CTNND2: variants seen among roughly 807,000 people sequenced by gnomAD.
The protein encoded by CTNND2 is catenin delta 2.
In CTNND2, 22 loss-of-function variants were observed where a neutral mutation model predicts 144.4. That is an observed-to-expected ratio of 0.15 (90% confidence interval 0.11 to 0.22). The LOEUF is 0.22. Among genes scored for constraint, CTNND2 ranks in the 10% least tolerant of loss-of-function variants. The pLI, the probability that CTNND2 is intolerant of heterozygous loss-of-function variation, is 1.00. For synonymous variants in CTNND2, 751 were observed against 695.6 expected (o/e 1.08, Z -1.25); for missense variants, 1,353 against 1,618.8 (o/e 0.84, Z 2.82).
chr5:11,494,294 T>C (rs1254717311), intron 3 of CTNND2, among the ~76,000 whole-genome samples: 1 of 152,186 alleles, frequency 6.6e-6, no homozygotes, highest in Non-Finnish European at 1.5e-5. Flanking sequence ...ATGGACCTTT[T>C]GGTCTCACAT....
intron 15 of CTNND2, 37 bp from the exon 16 acceptor site, chr5:11,082,883 G>A: frequency 6.2e-7 from 1 of 1,605,428 alleles, no homozygotes. Flanking sequence ...GTTAGAAACA[G>A]GAAGAAACCC....
At chr5:11,238,051 T>C (rs1741829224) in intron 9 of CTNND2, among the ~76,000 whole-genome samples, 2 of 152,232 alleles carry the variant, frequency 1.3e-5, no homozygotes, top group African/African-American at 4.8e-5. Flanking sequence ...CTGGTTGTCA[T>C]CTTAAGCAAT....
chr5:11,533,773 C>T (rs150963005), intron 3 of CTNND2, among the ~76,000 whole-genome samples: 2 of 152,292 alleles, frequency 1.3e-5, no homozygotes, highest in Non-Finnish European at 2.9e-5. Flanking sequence ...CTGGCCAACA[C>T]GAAGATTCTG....
chr5:11,567,782 T>C (rs1295672640), intron 2 of CTNND2, among the ~76,000 whole-genome samples: 3 of 152,142 alleles, frequency 2.0e-5, no homozygotes, highest in African/African-American at 7.2e-5. Flanking sequence ...CTAACATCTG[T>C]GCTAGTTTCA....
rs576719239 is a variant in CTNND2, at chr5:11,060,968, T to A, written c.2788+21728A>T. 3.3e-5 allele frequency among the ~76,000 whole-genome samples: 5 copies of A among 152,242 alleles called. No individual in the cohort carries two copies. The South Asian group carries it at 1.0e-3, about 32-fold the overall frequency. On this transcript the variant is annotated intron_variant, in intron 16 of 21. Coordinates refer to ENST00000304623, the MANE Select transcript of CTNND2 (RefSeq NM_001332.4). ...GACCATGACTTTAACTATCTTTTTT[T>A]TTCTTTTTCACACTGATGACACACA...
intron 3 of CTNND2, among the ~76,000 whole-genome samples, chr5:11,478,673 C>A (rs148707528): frequency 3.9e-5 from 6 of 152,290 alleles, no homozygotes; most frequent in African/African-American, 1.4e-4. Flanking sequence ...TATCAGTGAC[C>A]TATAATAATT....
chr5:11,806,838 G>A (rs183147803), intron 1 of CTNND2, among the ~76,000 whole-genome samples: 11 of 152,114 alleles, frequency 7.2e-5, no homozygotes, highest in Admixed American at 7.2e-4. Flanking sequence ...AAAAAAAGAT[G>A]AGCAGTACTT....
chr5:11,447,597 G>A (rs1357676518), intron 3 of CTNND2, among the ~76,000 whole-genome samples: 1 of 152,162 alleles, frequency 6.6e-6, no homozygotes, highest in Non-Finnish European at 1.5e-5. Flanking sequence ...TGGCCCTGGA[G>A]GCCACCTGCT....
intron 16 of CTNND2, among the ~76,000 whole-genome samples, chr5:11,054,745 G>A (rs1746182066): frequency 1.3e-5 from 2 of 151,984 alleles, no homozygotes; most frequent in South Asian, 4.2e-4. Flanking sequence ...AATGACTCCA[G>A]GACTCTTTGG....
At chr5:11,726,348 A>ACC (rs1319154515) in intron 2 of CTNND2, among the ~76,000 whole-genome samples, 13 of 152,336 alleles carry the variant, frequency 8.5e-5, no homozygotes, top group African/African-American at 3.1e-4. Context: ...TTAAATGTAC[A>ACC]AAGAAGAATA....
chr5:11,623,800 GTGTGTATGTATA>G (rs1473198257), intron 2 of CTNND2, among the ~76,000 whole-genome samples: 1,902 of 84,970 alleles, frequency 0.022, 16 homozygotes, highest in Middle Eastern at 0.049. Context: ...ATATATATAT[GTGTGTATGTATA>G]TATATATATA....
intron 9 of CTNND2, among the ~76,000 whole-genome samples, chr5:11,316,467 T>TATTATTAA (rs1561206791): frequency 2.6e-5 from 1 of 39,058 alleles, no homozygotes; most frequent in Non-Finnish European, 5.8e-5. Flanking sequence ...ATCCACTATT[T>TATTATTAA]TTTATTATTA....
chr5:11,485,029 A>G (rs1391726205), intron 3 of CTNND2, among the ~76,000 whole-genome samples: 2 of 152,104 alleles, frequency 1.3e-5, no homozygotes, highest in Non-Finnish European at 2.9e-5. Flanking sequence ...TTAAGAACAA[A>G]TTTTCAAAAA....
Position 11,591,525 on chromosome 5 carries a change from T to C in CTNND2, c.175-26469A>G, listed in dbSNP as rs530007932. On this transcript the variant is annotated intron_variant, in intron 2 of 21. Coordinates refer to ENST00000304623, the MANE Select transcript of CTNND2 (RefSeq NM_001332.4). ...ATTTGTCTGCTTGATGCTTCTAACA[T>C]GGTTTCATTTCAGCAATAGCTATTT... Among the ~76,000 whole-genome samples, 11 of 149,202 alleles carry C rather than the reference T, an allele frequency of 7.4e-5. No individual in the cohort carries two copies. In the South Asian group the frequency reaches 2.0e-3, roughly 27 times the overall value.
chr5:11,737,521 A>T (rs142034226), intron 1 of CTNND2, among the ~76,000 whole-genome samples: 17 of 152,344 alleles, frequency 1.1e-4, no homozygotes, highest in Non-Finnish European at 2.1e-4. Context: ...TTCTTCTAGC[A>T]GAACTTGGTA....
intron 5 of CTNND2, among the ~76,000 whole-genome samples, chr5:11,408,608 A>G (rs922162150): frequency 1.3e-5 from 2 of 152,292 alleles, no homozygotes; most frequent in African/African-American, 2.4e-5. Context: ...GGAGTCTTCA[A>G]TAAGATAATT....
intron 2 of CTNND2, among the ~76,000 whole-genome samples, chr5:11,643,202 C>G (rs974169221): frequency 6.6e-6 from 1 of 151,068 alleles, no homozygotes; most frequent in Non-Finnish European, 1.5e-5. Context: ...TTAGTTCATA[C>G]ATTTAATATT....
chr5:11,214,587 C>T (rs1021390286), intron 10 of CTNND2, among the ~76,000 whole-genome samples: 3 of 152,258 alleles, frequency 2.0e-5, no homozygotes, highest in Non-Finnish European at 4.4e-5. Context: ...AAAAAACATA[C>T]GTAACCAATC....
At chr5:11,036,732 A>G (rs1325650757) in intron 16 of CTNND2, among the ~76,000 whole-genome samples, 1 of 152,182 alleles carries the variant, frequency 6.6e-6, no homozygotes, top group African/African-American at 2.4e-5. Flanking sequence ...CATCTAAACC[A>G]TCTTTGCGGT....
Sources: allele counts gnomAD v4.1 joint callset (sites outside exome capture counted in the v4.1 genomes callset), GRCh38; gene constraint gnomAD v4.1.1; transcripts MANE v1.5; gene names NCBI Gene and HGNC (gene_info 2026-07-23, HGNC 2026-07-21).